Variants in ZC3H3 observed in about 807,000 individuals in gnomAD.
ZC3H3 encodes zinc finger CCCH-type containing 3, also known as zinc finger CCCH domain-containing protein 3.
A neutral mutation model predicts 77.3 loss-of-function variants in ZC3H3; 36 were observed. That is an observed-to-expected ratio of 0.47 (90% CI 0.36 to 0.61). The LOEUF (loss-of-function observed/expected upper bound fraction) is 0.61, where lower values mean the gene tolerates loss of function less well. ZC3H3 is among the 20% of genes least tolerant of loss of function. The pLI is 0.00. For missense variants in ZC3H3, 1,331 were observed against 1,312.2 expected (o/e 1.01, Z -0.22); for synonymous variants, 626 against 555.2 (o/e 1.13, Z -1.79).
chr8:143,520,316 G>T (rs945813060), intron 3 of ZC3H3, among the ~76,000 whole-genome samples: 4 of 152,186 alleles, frequency 2.6e-5, no homozygotes, highest in Non-Finnish European at 4.4e-5. Context: ...GCTGGACCCC[G>T]ACTTGGGAGG....
intron 3 of ZC3H3, among the ~76,000 whole-genome samples, chr8:143,534,942 C>T (rs539033240): frequency 1.6e-3 from 251 of 152,178 alleles, no homozygotes; most frequent in African/African-American, 5.2e-3. Context: ...TGGGACCCAA[C>T]GCCCTGCCCT....
intron 3 of ZC3H3, among the ~76,000 whole-genome samples, chr8:143,515,469 A>G (rs1427799017): frequency 6.6e-6 from 1 of 152,246 alleles, no homozygotes; most frequent in Non-Finnish European, 1.5e-5. Context: ...GTTGTGCGGA[A>G]AAGTGGAATC....
At chr8:143,526,917 G>A (rs746120439) in intron 3 of ZC3H3, among the ~76,000 whole-genome samples, 32 of 152,128 alleles carry the variant, frequency 2.1e-4, no homozygotes, top group Non-Finnish European at 4.4e-4. Context: ...AAAAGACACC[G>A]CCAGGAGGCA....
intron 4 of ZC3H3, among the ~76,000 whole-genome samples, chr8:143,505,616 C>T (rs1463385305): frequency 1.3e-5 from 2 of 152,232 alleles, no homozygotes; most frequent in African/African-American, 2.4e-5. Context: ...CGAAGGGTCC[C>T]AGACGCCTGG....
At chr8:143,472,538 C>G (rs1820598789) in intron 5 of ZC3H3, among the ~76,000 whole-genome samples, 1 of 152,204 alleles carries the variant, frequency 6.6e-6, no homozygotes, top group South Asian at 2.1e-4. Flanking sequence ...CCCTCCTCCC[C>G]AAAGCTCAGA....
chr8:143,438,239 A>G, intron 11 of ZC3H3, 152 bp from the exon 12 acceptor site: 1 of 997,408 alleles, frequency 1.0e-6, no homozygotes, highest in South Asian at 1.5e-5. Flanking sequence ...AGTTCGAGGG[A>G]GAAGAGCACA....
intron 4 of ZC3H3, among the ~76,000 whole-genome samples, chr8:143,486,007 C>T (rs1821043021): frequency 6.6e-6 from 1 of 152,248 alleles, no homozygotes; most frequent in South Asian, 2.1e-4. Context: ...GGACAGCTAC[C>T]TGGGACAGCT....
intron 4 of ZC3H3, among the ~76,000 whole-genome samples, chr8:143,477,714 C>T (rs928632846): frequency 9.2e-5 from 14 of 152,220 alleles, no homozygotes; most frequent in Non-Finnish European, 1.8e-4. Flanking sequence ...CTGGGGGACA[C>T]TCAGCTTGAC....
chr8:143,496,861 T>C lies in ZC3H3; in HGVS notation c.1715+10885A>G, dbSNP rs528255172. Among the ~76,000 whole-genome samples the C allele has an allele frequency of 3.3e-5, 5 of 152,302 alleles. No individual in the cohort carries two copies. In the East Asian group the frequency reaches 5.8e-4, roughly 18 times the overall value. ...CCCGCCAAAATTGCGAATCTGCATC[T>C]CATCACAAAAAGACATCAGATAAGC... On this transcript the variant is annotated intron_variant, in intron 4 of 11. Transcript: ENST00000262577.
chr8:143,523,620 C>T (rs1300877220), intron 3 of ZC3H3: 1 of 848,218 alleles, frequency 1.2e-6, no homozygotes, highest in Non-Finnish European at 1.4e-6. Context: ...GGACCCCTGT[C>T]CTCATCCAGC....
At chr8:143,524,292 A>C (rs547798515) in intron 3 of ZC3H3, among the ~76,000 whole-genome samples, 114 of 152,234 alleles carry the variant, frequency 7.5e-4, no homozygotes, top group Non-Finnish European at 1.4e-3. Context: ...TACTGAAGCC[A>C]AACAGTCTAT....
intron 4 of ZC3H3, chr8:143,484,757 C>T: frequency 2.9e-6 from 1 of 346,284 alleles, no homozygotes; most frequent in Non-Finnish European, 5.7e-6. Flanking sequence ...GCAGGCTGGC[C>T]AGGAATCCTG....
chr8:143,467,574 T>G (rs1820443841), intron 8 of ZC3H3, among the ~76,000 whole-genome samples: 1 of 152,178 alleles, frequency 6.6e-6, no homozygotes, highest in South Asian at 2.1e-4. Context: ...AAGGCAGCCC[T>G]CACTCCACTC....
At chr8:143,447,247 G>A (rs909444870) in intron 9 of ZC3H3, among the ~76,000 whole-genome samples, 3 of 152,220 alleles carry the variant, frequency 2.0e-5, no homozygotes, top group Non-Finnish European at 4.4e-5. Context: ...TCTGATGGCT[G>A]TGACGCACCC....
At chr8:143,498,311 C>A (rs1487505039) in intron 4 of ZC3H3, among the ~76,000 whole-genome samples, 1 of 152,238 alleles carries the variant, frequency 6.6e-6, no homozygotes, top group Non-Finnish European at 1.5e-5. Context: ...CGCGTTCTCC[C>A]AGAACCTGCA....
chr8:143,483,471 G>C (rs576312526), intron 4 of ZC3H3, among the ~76,000 whole-genome samples: 1 of 152,302 alleles, frequency 6.6e-6, no homozygotes, highest in African/African-American at 2.4e-5. Context: ...GACACTCACA[G>C]AATGTCCTGA....
Position 143,521,190 on chromosome 8 carries a change from G to A in ZC3H3, c.1562-13291C>T, listed in dbSNP as rs139828835. Among the ~76,000 whole-genome samples the A allele has an allele frequency of 2.4e-4, 36 of 152,324 alleles. No individual in the cohort carries two copies. The East Asian group carries it at 3.1e-3, about 13-fold the overall frequency. Reference sequence around the variant, plus strand: ...GCTCCTCCCAAGAGGCCTTGCCAACGAGACGAGGCAAGGAGGCTGGAGACA... The same window carrying A: ...GCTCCTCCCAAGAGGCCTTGCCAACAAGACGAGGCAAGGAGGCTGGAGACA... On this transcript the variant is annotated intron_variant, in intron 3 of 11. Coordinates refer to ENST00000262577, the MANE Select transcript of ZC3H3 (RefSeq NM_015117.3).
Position 143,468,739 on chromosome 8 carries a change from G to T in ZC3H3, c.1904-80C>A. ...TTTCCCTGCTGACCCCCTTAGTCGAGGCCCTCAGGGGTCCCAACACTCAGC... is the reference window on the plus strand; with the variant it reads ...TTTCCCTGCTGACCCCCTTAGTCGATGCCCTCAGGGGTCCCAACACTCAGC... On this transcript the variant is annotated intron_variant, in intron 5 of 11. Transcript: ENST00000262577. The T allele has an allele frequency of 2.0e-6, 3 of 1,475,482 alleles. No homozygotes were observed. In the South Asian group the frequency reaches 4.0e-5, roughly 20 times the overall value. 91.4% of individuals were successfully genotyped at this position (1,475,482 alleles called of 1,614,324 possible).
rs1215395818 is a variant in ZC3H3 at position 143,460,586 on chromosome 8, G to A, written c.2307+5131C>T. On this transcript the variant is annotated intron_variant, in intron 9 of 11. Transcript: ENST00000262577. This position sits in a 1 kb window ranked among gnomAD's most constrained non-coding sequence, Gnocchi z 4.0. ...ATATACACCCAAAGGAAGTGAAAGC[G>A]GGGCTCAAACAGATACCTGGCTGTC... Among the ~76,000 whole-genome samples, 2 of 152,166 alleles carry A rather than the reference G, an allele frequency of 1.3e-5. No homozygotes were observed. Among genetic ancestry groups the A allele is most frequent in the African/African-American group, 4.8e-5 (2 of 41,434 alleles).
Sources: allele counts gnomAD v4.1 joint callset (sites outside exome capture counted in the v4.1 genomes callset), GRCh38; gene constraint gnomAD v4.1.1; non-coding constraint Gnocchi (gnomAD v3.1); transcripts MANE v1.5; gene names NCBI Gene and HGNC (gene_info 2026-07-23, HGNC 2026-07-21).